The following TENM3 variants were observed in gnomAD, a reference collection of about 807,000 sequenced individuals.
TENM3 encodes teneurin-3.
In TENM3, 63 loss-of-function variants were observed where a neutral mutation model predicts 255.1. The ratio of observed to expected loss-of-function variants is 0.25; its 90% confidence interval spans 0.20 to 0.30. The LOEUF (loss-of-function observed/expected upper bound fraction) is 0.30. Among genes scored for constraint, TENM3 ranks in the 10% least tolerant of loss-of-function variants. The probability of loss-of-function intolerance (pLI) is 1.00; values close to 1 mark genes in which losing one functional copy is unlikely to be tolerated. For synonymous variants in TENM3, 1,306 were observed against 1,322.3 expected, an observed-to-expected ratio of 0.99 and a Z score of 0.27; for missense variants, 2,929 against 3,461.1, an observed-to-expected ratio of 0.85 and a Z score of 3.86.
chr4:182,395,245 A>G (rs1003735998), intron 3 of TENM3, among the ~76,000 whole-genome samples: 4 of 152,170 alleles, frequency 2.6e-5, no homozygotes, highest in African/African-American at 4.8e-5. Context: ...TGAGCCTCCT[A>G]TACAGCCTGG....
Position 182,660,828 on chromosome 4 carries a change from A to G in TENM3, c.1111+6935A>G, listed in dbSNP as rs149908655. Among the ~76,000 whole-genome samples, 466 of 152,304 alleles carry G rather than the reference A, an allele frequency of 3.1e-3. 3 individuals are homozygous for G. Among genetic ancestry groups the G allele is most frequent in the African/African-American group, 0.011 (444 of 41,596 alleles). On this transcript the variant is annotated intron_variant, in intron 6 of 27. Coordinates refer to ENST00000511685, the MANE Select transcript of TENM3 (RefSeq NM_001080477.4). ...CTGTAAAAGCAAGATGATCACAGCT[A>G]TTGTTTCCAGAGCATGTGAATTCTA...
chr4:182,390,095 G>A (rs957519680), intron 3 of TENM3, among the ~76,000 whole-genome samples: 10 of 152,130 alleles, frequency 6.6e-5, no homozygotes, highest in Non-Finnish European at 1.3e-4. Context: ...CTGTATTAGC[G>A]TTAAACTTTT....
chr4:181,940,179 T>A, the TENM3 span, among the ~76,000 whole-genome samples: 1 of 152,370 alleles, frequency 6.6e-6, no homozygotes, highest in African/African-American at 2.4e-5. Flanking sequence ...GTGTCTTGTT[T>A]TTTATAATGT....
chr4:182,715,026 A>G (rs2152680488), intron 13 of TENM3, among the ~76,000 whole-genome samples: 1 of 152,296 alleles, frequency 6.6e-6, no homozygotes, highest in Middle Eastern at 3.4e-3. Flanking sequence ...CTGGGATTAC[A>G]GGCATGTGCC....
the TENM3 span, among the ~76,000 whole-genome samples, chr4:181,539,526 C>A: frequency 1.3e-5 from 2 of 152,060 alleles, no homozygotes; most frequent in African/African-American, 4.8e-5. Context: ...AAACTTAATA[C>A]GTTTATTCCT....
At chr4:182,390,423 C>G (rs1768343772) in intron 3 of TENM3, among the ~76,000 whole-genome samples, 1 of 152,052 alleles carries the variant, frequency 6.6e-6, no homozygotes. Context: ...TTGTTGTTGC[C>G]AAGGACTCCT....
At chr4:181,612,490 A>ATGTGTG in the TENM3 span, among the ~76,000 whole-genome samples, 4,078 of 148,412 alleles carry the variant, frequency 0.027, 74 homozygotes, top group Middle Eastern at 0.065. Context: ...TTTGGTTAAG[A>ATGTGTG]TGTGTGTGTG....
chr4:181,882,841 C>G, the TENM3 span, among the ~76,000 whole-genome samples: 1 of 152,084 alleles, frequency 6.6e-6, no homozygotes, highest in Admixed American at 6.6e-5. Context: ...AACCTGTAGT[C>G]ACAAGCATAG....
At chr4:181,564,033 C>CTTTTT in the TENM3 span, among the ~76,000 whole-genome samples, 269 of 49,414 alleles carry the variant, frequency 5.4e-3, 3 homozygotes, top group South Asian at 0.048. Context: ...CTTTTCTTTT[C>CTTTTT]TTTTTTCTTT....
chr4:182,565,128 C>T (rs1743645908), intron 3 of TENM3, among the ~76,000 whole-genome samples: 1 of 152,112 alleles, frequency 6.6e-6, no homozygotes, highest in African/African-American at 2.4e-5. Context: ...CACTATGTTG[C>T]ACAGTTTATA....
the TENM3 span, among the ~76,000 whole-genome samples, chr4:181,534,672 T>C: frequency 9.9e-5 from 15 of 152,110 alleles, no homozygotes; most frequent in Middle Eastern, 3.2e-3. Flanking sequence ...TACCTGGCAA[T>C]GCTCCTTCAT....
At chr4:181,997,399 T>C in the TENM3 span, among the ~76,000 whole-genome samples, 32,650 of 152,090 alleles carry the variant, frequency 0.21, 3,578 homozygotes, top group Admixed American at 0.26. Flanking sequence ...CATGTACTTA[T>C]TCAATGTTCC....
chr4:181,847,437 A>G, the TENM3 span, among the ~76,000 whole-genome samples: 2 of 152,144 alleles, frequency 1.3e-5, no homozygotes, highest in Non-Finnish European at 2.9e-5. Flanking sequence ...TCTGTCTGCA[A>G]TCCTACCCTA....
intron 1 of TENM3, among the ~76,000 whole-genome samples, chr4:182,157,960 C>A (rs540599653): frequency 6.6e-6 from 1 of 152,186 alleles, no homozygotes; most frequent in Non-Finnish European, 1.5e-5. Context: ...ATATGTAGTT[C>A]TCTTTGTCCT....
the TENM3 span, among the ~76,000 whole-genome samples, chr4:181,462,832 G>A: frequency 0.14 from 20,970 of 152,108 alleles, 1,597 homozygotes; most frequent in East Asian, 0.28. Context: ...CATGCTCAAC[G>A]TTGGCTTACT....
At chr4:181,942,270 T>TTTTTTTTTTTTTTTTTTC in the TENM3 span, among the ~76,000 whole-genome samples, 1 of 9,432 alleles carries the variant, frequency 1.1e-4, no homozygotes. Flanking sequence ...ATGTTGGGCC[T>TTTTTTTTTTTTTTTTTTC]TTTTTTTTTT....
At chr4:182,667,574 T>C (rs1754809006) in intron 6 of TENM3, among the ~76,000 whole-genome samples, 1 of 152,212 alleles carries the variant, frequency 6.6e-6, no homozygotes, top group Non-Finnish European at 1.5e-5. Flanking sequence ...CTCTCAGTTC[T>C]GAATCCCTGC....
At chr4:182,035,695 GA>G in the TENM3 span, among the ~76,000 whole-genome samples, 5,905 of 152,182 alleles carry the variant, frequency 0.039, 375 homozygotes, top group African/African-American at 0.13. Flanking sequence ...TGTGGCTGTT[GA>G]AATAGTTCCC....
chr4:181,923,293 G>T, the TENM3 span, among the ~76,000 whole-genome samples: 1 of 151,686 alleles, frequency 6.6e-6, no homozygotes. Flanking sequence ...AGATGAGTGT[G>T]CATTGCAGAG....
Sources: gnomAD v4.1 joint callset for allele counts (sites outside exome capture counted in the v4.1 genomes callset) on GRCh38, gnomAD v4.1.1 for gene constraint, MANE v1.5 for transcripts, NCBI Gene and HGNC (gene_info 2026-07-23, HGNC 2026-07-21) for gene names.